Variants in BIN1 observed in about 807,000 individuals in gnomAD.
BIN1 encodes the protein myc box-dependent-interacting protein 1.
A neutral mutation model predicts 82.0 loss-of-function variants in BIN1; 53 were observed. The observed-to-expected ratio is 0.65, with a 90% confidence interval of 0.52 to 0.81. The LOEUF is 0.81. Ranked by LOEUF, BIN1 falls within the 40% of genes least tolerant of loss-of-function variation. The probability of loss-of-function intolerance (pLI) is 0.00; values close to 1 mark genes in which losing one functional copy is unlikely to be tolerated. For missense variants in BIN1, 642 were observed against 784.4 expected (o/e 0.82, Z 2.17); for synonymous variants, 302 against 328.0 (o/e 0.92, Z 0.86).
Position 127,054,160 on chromosome 2 carries a change from C to T in BIN1, c.1132-148G>A. ...TGCAGAGCAAGCGCACATACACGCA[C>T]ACACGCTGGCACACAGCCCAGGCAC... is the stretch of plus-strand genomic sequence containing the variant. On this transcript the variant is annotated intron_variant, in intron 12 of 18. Transcript: ENST00000316724. 6 of 687,642 alleles carry T rather than the reference C, an allele frequency of 8.7e-6. No individual in the cohort carries two copies. In the South Asian group the frequency reaches 9.9e-5, roughly 11 times the overall value. The allele number at this position is 687,642 out of a possible 1,614,324, so 42.6% of individuals were successfully genotyped here. A position where few individuals can be genotyped will look rare whatever the true frequency, so the allele number is the denominator to read the frequency against.
Position 127,048,415 on chromosome 2 carries a change from T to C in BIN1, c.*111A>G. 1 of 1,078,192 alleles carries C rather than the reference T, an allele frequency of 9.3e-7. No homozygotes were observed. The highest frequency in any genetic ancestry group is 1.4e-6 in the Non-Finnish European group (1 of 716,690). 66.8% of individuals were successfully genotyped at this position (1,078,192 alleles called of 1,614,324 possible). ...CTCTGCCTGGGGGTCTCCTCTTGATTTCCCTTTGCTCTTCAAAAGATGAAA... is the reference window on the plus strand; with the variant it reads ...CTCTGCCTGGGGGTCTCCTCTTGATCTCCCTTTGCTCTTCAAAAGATGAAA... On this transcript the variant is annotated 3_prime_UTR_variant, in exon 19 of 19. Transcript: ENST00000316724.
chr2:127,064,218 G>A (rs1684869078), intron 7 of BIN1, among the ~76,000 whole-genome samples, 200 bp from the exon 8 acceptor site: 1 of 152,352 alleles, frequency 6.6e-6, no homozygotes, highest in Non-Finnish European at 1.5e-5. Context: ...GAGGACATCT[G>A]GGAAAGGGAG....
chr2:127,091,995 C>T (rs1457997745), intron 1 of BIN1, among the ~76,000 whole-genome samples: 2 of 152,000 alleles, frequency 1.3e-5, no homozygotes, highest in Non-Finnish European at 2.9e-5. Context: ...GCTACCCCTG[C>T]CCTACCCCAT....
chr2:127,088,050 C>T (rs930245013), intron 1 of BIN1, among the ~76,000 whole-genome samples: 1 of 152,184 alleles, frequency 6.6e-6, no homozygotes, highest in East Asian at 1.9e-4. Flanking sequence ...AGAAAGGAAC[C>T]TTCCACCAGA....
At chr2:127,070,127 G>T in intron 4 of BIN1, 37 bp from the exon 5 acceptor site, 2 of 1,585,368 alleles carry the variant, frequency 1.3e-6, no homozygotes, top group Non-Finnish European at 1.7e-6. Context: ...CCACCAGGAG[G>T]GCTGGGCCAC....
At position 127,093,743 on chromosome 2, in the gene BIN1, T is replaced by C. The variant is rs1352477349; in HGVS notation, c.84+13117A>G. 6.6e-6 allele frequency among the ~76,000 whole-genome samples: 1 copy of C among 152,262 alleles called. No homozygotes were observed. Among genetic ancestry groups the C allele is most frequent in the Non-Finnish European group, 1.5e-5 (1 of 68,044 alleles). On this transcript the variant is annotated intron_variant, in intron 1 of 18. Coordinates refer to ENST00000316724, the MANE Select transcript of BIN1 (RefSeq NM_139343.3). The surrounding 1 kb of genome is among the most constrained non-coding windows in gnomAD (Gnocchi z 5.7). ...TTGCTCTTGGAAACCTGTCTTTCGTTAGAGCGGTGTCAGCTGTGGCCCTTA... is the reference window on the plus strand; with the variant it reads ...TTGCTCTTGGAAACCTGTCTTTCGTCAGAGCGGTGTCAGCTGTGGCCCTTA...
At chr2:127,081,731 C>T (rs954018871) in intron 1 of BIN1, 3 of 1,208,704 alleles carry the variant, frequency 2.5e-6, no homozygotes, top group Non-Finnish European at 3.2e-6. Context: ...CAACACCCCA[C>T]CCCCACACAC....
chr2:127,098,313 G>A (rs1019446350), intron 1 of BIN1, among the ~76,000 whole-genome samples: 4 of 151,968 alleles, frequency 2.6e-5, no homozygotes, highest in Admixed American at 6.5e-5. Flanking sequence ...TCCTTCCCCC[G>A]CCCCCAACCC....
rs1164972174 is a variant in BIN1, at chr2:127,053,992, G to C, written c.1152C>G (p.Phe384Leu). Residue 384 changes from phenylalanine (F) to leucine (L), a missense_variant, in exon 13 of 19, where the codon TTC becomes TTG. Coordinates refer to ENST00000316724, the MANE Select transcript of BIN1 (RefSeq NM_139343.3). ...TPSQFEAPGP[F>L]SEQASLLDLD... is the part of the protein sequence containing the mutation. ...GGTCCAGCAGACTGGCCTGCTCCGA[G>C]AAAGGCCCCGGGGCCTCAAACTTGG... The C allele has an allele frequency of 1.3e-6, 2 of 1,551,234 alleles. No homozygotes were observed. Among genetic ancestry groups the C allele is most frequent in the African/African-American group, 1.4e-5 (1 of 72,986 alleles).
rs1359312812 is a variant in BIN1, at chr2:127,090,018, G to A, written c.85-13312C>T. On this transcript the variant is annotated intron_variant, in intron 1 of 18. Transcript: ENST00000316724. This position sits in a 1 kb window ranked among gnomAD's most constrained non-coding sequence, Gnocchi z 6.4. ...CCCCCAGCTCACATAAGCCTTCCCCGCACCTGCCGCCCAGTGCACCTGCTC... is the reference window on the plus strand; with the variant it reads ...CCCCCAGCTCACATAAGCCTTCCCCACACCTGCCGCCCAGTGCACCTGCTC... 1.1e-5 allele frequency among the ~76,000 whole-genome samples: 1 copy of A among 91,338 alleles called. No homozygotes were observed. Among genetic ancestry groups the A allele is most frequent in the Non-Finnish European group, 2.1e-5 (1 of 47,552 alleles). The allele number at this position is 91,338 out of a possible 152,430, so 59.9% of individuals were successfully genotyped here.
In BIN1 at chr2:127,070,040, C is replaced by T. The variant is rs760618345; in HGVS notation, c.366G>A (p.Ala122=). The T allele has an allele frequency of 5.6e-6, 9 of 1,614,142 alleles. No homozygotes were observed. The highest frequency in any genetic ancestry group is 5.9e-6 in the Non-Finnish European group (7 of 1,180,016). Reference sequence around the variant, plus strand: ...CCAGGTACGTGTCCATGGTCAGCAGCGCCTGGTCCACCAGCTTCTGGTGGT... The same window carrying T: ...CCAGGTACGTGTCCATGGTCAGCAGTGCCTGGTCCACCAGCTTCTGGTGGT... The part of the protein sequence containing the change: ...MDYHQKLVDQ[A]LLTMDTYLGQ... The change falls in exon 5 of 19, where the codon GCG becomes GCA. Residue 122 remains alanine, a synonymous_variant. Coordinates refer to ENST00000316724, the MANE Select transcript of BIN1 (RefSeq NM_139343.3).
chr2:127,061,343 C>T (rs1171061028), intron 10 of BIN1, among the ~76,000 whole-genome samples: 1 of 152,178 alleles, frequency 6.6e-6, no homozygotes, highest in African/African-American at 2.4e-5. Context: ...CCACCCGATA[C>T]CCTCATCATC....
At chr2:127,051,025 C>T in intron 16 of BIN1, 113 bp from the exon 17 acceptor site, 2 of 1,504,960 alleles carry the variant, frequency 1.3e-6, no homozygotes, top group Non-Finnish European at 9.2e-7. Flanking sequence ...TGGTGCCAGA[C>T]CGGCCCGCCT....
At chr2:127,106,246 G>A (rs1042198893) in intron 1 of BIN1, among the ~76,000 whole-genome samples, 1 of 152,234 alleles carries the variant, frequency 6.6e-6, no homozygotes, top group African/African-American at 2.4e-5. Flanking sequence ...GGCTCCCGGT[G>A]GGGCCGGGCT....
At chr2:127,053,337 G>A in intron 14 of BIN1, 85 bp downstream of exon 14, 1 of 1,564,782 alleles carries the variant, frequency 6.4e-7, no homozygotes. Context: ...ATGCACCTGT[G>A]AACAGGCTAG....
intron 1 of BIN1, among the ~76,000 whole-genome samples, chr2:127,086,472 GGCCT>G (rs1678172169): frequency 1.3e-5 from 2 of 151,814 alleles, no homozygotes; most frequent in Admixed American, 6.6e-5. Context: ...CTCCCAGGAA[GGCCT>G]GGCCTCGCCC....
intron 7 of BIN1, among the ~76,000 whole-genome samples, chr2:127,064,255 G>T (rs951558300): frequency 6.6e-5 from 10 of 152,232 alleles, no homozygotes; most frequent in African/African-American, 2.2e-4. Context: ...CCAAAGAGAG[G>T]CCCACGTGGC....
At chr2:127,078,883 T>C (rs977229488) in intron 1 of BIN1, among the ~76,000 whole-genome samples, 1 of 123,320 alleles carries the variant, frequency 8.1e-6, no homozygotes, top group Non-Finnish European at 1.6e-5. Flanking sequence ...AAGAGAGGAA[T>C]AGACCACCAC....
intron 1 of BIN1, among the ~76,000 whole-genome samples, chr2:127,092,870 G>A (rs1010743744): frequency 5.9e-5 from 9 of 152,224 alleles, no homozygotes; most frequent in South Asian, 2.1e-4. Flanking sequence ...CCCTGTGCCC[G>A]AAAGGAAGAG....
Sources: gnomAD v4.1 joint callset for allele counts (sites outside exome capture counted in the v4.1 genomes callset) on GRCh38, gnomAD v4.1.1 for gene constraint, Gnocchi (gnomAD v3.1) non-coding constraint, MANE v1.5 for transcripts, NCBI Gene and HGNC (gene_info 2026-07-23, HGNC 2026-07-21) for gene names.